Variants in MTMR4 observed in about 807,000 individuals in gnomAD.
MTMR4 encodes the protein myotubularin related protein 4, also known as phosphatidylinositol-3,5-bisphosphate 3-phosphatase MTMR4.
In MTMR4, 30 loss-of-function variants were observed where a neutral mutation model predicts 125.5. The observed-to-expected ratio is 0.24, with a 90% CI of 0.18 to 0.32. The LOEUF (loss-of-function observed/expected upper bound fraction) is 0.32, where lower values mean the gene tolerates loss of function less well. Among genes scored for constraint, MTMR4 ranks in the 10% least tolerant of loss-of-function variants. The pLI is 1.00. For missense variants in MTMR4, 1,039 were observed against 1,511.5 expected (o/e 0.69, Z 5.18); for synonymous variants, 498 against 564.5 (o/e 0.88, Z 1.67).
In MTMR4 at chr17:58,514,505, G is replaced by A; in HGVS notation, c.-98C>T. The A allele has an allele frequency of 3.0e-6, 3 of 985,166 alleles. No individual in the cohort carries two copies. Among genetic ancestry groups the A allele is most frequent in the Non-Finnish European group, 3.6e-6 (3 of 829,890 alleles). 61.0% of individuals were successfully genotyped at this position (985,166 alleles called of 1,614,324 possible). ...CGCATCCCGGCTGCGGGGCTCGCCA[G>A]GTGCAGCCGCGGCGGCCAAGAGGCT... is the stretch of plus-strand genomic sequence containing the variant. On this transcript the variant is annotated 5_prime_UTR_variant, in exon 1 of 18. Transcript: ENST00000682306.
At chr17:58,511,597 A>G in intron 3 of MTMR4, 86 bp from the exon 4 acceptor site, 1 of 1,149,730 alleles carries the variant, frequency 8.7e-7, no homozygotes, top group Non-Finnish European at 1.3e-6. Context: ...TAATGTATCA[A>G]TAGCAGGAAG....
chr17:58,505,486 C>A lies in MTMR4; in HGVS notation c.1131G>T (p.Met377Ile). 6.2e-7 allele frequency: 1 copy of A among 1,612,424 alleles called. No individual in the cohort carries two copies. Among genetic ancestry groups the A allele is most frequent in the Middle Eastern group, 1.7e-4 (1 of 6,050 alleles). Residue 377 changes from methionine (M) to isoleucine (I), a missense_variant, in exon 10 of 18, where the codon ATG (methionine) becomes ATT (isoleucine). Met to Ile is a conservative substitution (Grantham distance 10, BLOSUM62 1). Coordinates refer to ENST00000682306, the MANE Select transcript of MTMR4 (RefSeq NM_001378067.1). ...GGAACACCTACTTGCTAGGATCCGG[C>A]ATCTGGCTACACACAGCCCGGAGGT... The part of the protein sequence containing the change: ...FQYLRAVCSQ[M>I]PDPSNWLSAL...
Position 58,508,237 on chromosome 17 carries a change from C to T in MTMR4, c.631G>A (p.Val211Met). 1 of 1,614,052 alleles carries T rather than the reference C, an allele frequency of 6.2e-7. No individual in the cohort carries two copies. Among genetic ancestry groups the T allele is most frequent in the Non-Finnish European group, 8.5e-7 (1 of 1,180,028 alleles). Residue 211 changes from valine (V) to methionine (M), a missense_variant, in exon 7 of 18, where the codon GTG (valine) becomes ATG (methionine). Physicochemically the swap from Val to Met is conservative, Grantham distance 21. Transcript: ENST00000682306. The surrounding 1 kb of genome is among the most constrained non-coding windows in gnomAD (Gnocchi z 4.8). ...TCCAGCTCTTTGTCAGTGATCCACA[C>T]AGGAACCAGCAGCTTCTGGGGGTAA... ...PSYPQKLLVP[V>M]WITDKELENV...
chr17:58,503,968 ACT>A, intron 13 of MTMR4, 70 bp from the exon 14 acceptor site: 2 of 1,557,106 alleles, frequency 1.3e-6, no homozygotes, highest in East Asian at 2.3e-5. Context: ...TAAGCCCTTG[ACT>A]CTACATTTTC....
At chr17:58,515,281 C>T (rs548794699), upstream of MTMR4, among the ~76,000 whole-genome samples, 1 of 152,206 alleles carries the variant, frequency 6.6e-6, no homozygotes, top group African/African-American at 2.4e-5. Flanking sequence ...ACTTGAAACC[C>T]AGGAGCAGCG....
At chr17:58,492,771 C>T in intron 16 of MTMR4, 71 bp downstream of exon 16, 1 of 1,444,818 alleles carries the variant, frequency 6.9e-7, no homozygotes, top group Non-Finnish European at 9.7e-7. Flanking sequence ...TACAGCATGT[C>T]ATTCATCTCT....
Position 58,508,715 on chromosome 17 carries a change from G to A in MTMR4, c.462C>T (p.Thr154=), listed in dbSNP as rs144773381. 3.1e-6 allele frequency: 5 copies of A among 1,614,070 alleles called. No homozygotes were observed. In the African/African-American group the frequency reaches 4.0e-5, roughly 13 times the overall value. ...ATAGGTGAGTGTGCTGGTCCTCCTC[G>A]GTCAGCCCCAGGCACCAGGCATGGT... ...FAYHAWCLGL[T]EEDQHTHLCQ... The change falls in exon 5 of 18, where the codon ACC becomes ACT. Residue 154 remains threonine, a synonymous_variant. Transcript: ENST00000682306. This position sits in a 1 kb window ranked among gnomAD's most constrained non-coding sequence, Gnocchi z 4.8.
Position 58,508,706 on chromosome 17 carries a change from G to A in MTMR4, c.471C>T (p.Asp157=). 3 of 1,614,208 alleles carry A rather than the reference G, an allele frequency of 1.9e-6. No individual in the cohort carries two copies. Among genetic ancestry groups the A allele is most frequent in the South Asian group, 1.1e-5 (1 of 91,086 alleles). Residue 157 remains aspartate, a synonymous_variant, in exon 5 of 18, where the codon GAC becomes GAT. Coordinates refer to ENST00000682306, the MANE Select transcript of MTMR4 (RefSeq NM_001378067.1). This position sits in a 1 kb window ranked among gnomAD's most constrained non-coding sequence, Gnocchi z 4.8. Reference sequence around the variant, plus strand: ...CTGGCTGACATAGGTGAGTGTGCTGGTCCTCCTCGGTCAGCCCCAGGCACC... The same window carrying A: ...CTGGCTGACATAGGTGAGTGTGCTGATCCTCCTCGGTCAGCCCCAGGCACC... ...HAWCLGLTEE[D]QHTHLCQPGE...
At chr17:58,514,224 T>G in intron 1 of MTMR4, 139 bp downstream of exon 1, 1 of 768,944 alleles carries the variant, frequency 1.3e-6, no homozygotes, top group Non-Finnish European at 1.6e-6. Context: ...AATAAAAGGG[T>G]TAACCCACCT....
Position 58,491,579 on chromosome 17 carries a change from C to T in MTMR4, c.*84G>A, listed in dbSNP as rs1975314952. 1.5e-6 allele frequency: 2 copies of T among 1,365,672 alleles called. No homozygotes were observed. The highest frequency in any genetic ancestry group is 2.3e-5 in the East Asian group (1 of 42,884). The allele number at this position is 1,365,672 out of a possible 1,614,324, so 84.6% of individuals were successfully genotyped here. A position where few individuals can be genotyped will look rare whatever the true frequency, so the allele number is the denominator to read the frequency against. Reference sequence around the variant, plus strand: ...TCTCTGAGCTCTGTGATTTCATGAGCCACACCAAGGAACCTTCCAAACTAC... The same window carrying T: ...TCTCTGAGCTCTGTGATTTCATGAGTCACACCAAGGAACCTTCCAAACTAC... On this transcript the variant is annotated 3_prime_UTR_variant, in exon 18 of 18. Coordinates refer to ENST00000682306, the MANE Select transcript of MTMR4 (RefSeq NM_001378067.1).
In MTMR4 at chr17:58,490,969, C is replaced by T. The variant is rs567540207; in HGVS notation, c.*694G>A. On this transcript the variant is annotated 3_prime_UTR_variant, in exon 18 of 18. Transcript: ENST00000682306. ...CAAAATAACTCAATGTTTGCCAGGA[C>T]CGAACATCAGCAGAGTTTTCCTCTG... 6.5e-6 allele frequency: 1 copy of T among 152,760 alleles called. No homozygotes were observed. The highest frequency in any genetic ancestry group is 1.9e-4 in the East Asian group (1 of 5,196). 9.5% of individuals were successfully genotyped at this position (152,760 alleles called of 1,614,324 possible).
Position 58,504,603 on chromosome 17 carries a change from A to G in MTMR4, c.1342-115T>C. 1 of 1,384,842 alleles carries G rather than the reference A, an allele frequency of 7.2e-7. No homozygotes were observed. The highest frequency in any genetic ancestry group is 9.8e-7 in the Non-Finnish European group (1 of 1,023,836). 85.8% of individuals were successfully genotyped at this position (1,384,842 alleles called of 1,614,324 possible). ...CAGCTTCAAAGAAAAATAGGACTGGACCTAGAAGAGGACTCAAAGCCACCA... is the reference window on the plus strand; with the variant it reads ...CAGCTTCAAAGAAAAATAGGACTGGGCCTAGAAGAGGACTCAAAGCCACCA... On this transcript the variant is annotated intron_variant, in intron 11 of 17. Coordinates refer to ENST00000682306, the MANE Select transcript of MTMR4 (RefSeq NM_001378067.1). The surrounding 1 kb of genome is among the most constrained non-coding windows in gnomAD (Gnocchi z 7.1).
rs75324864 is a variant in MTMR4, at chr17:58,493,905, G to T, written c.3253-953C>A. Among the ~76,000 whole-genome samples, 570 of 152,256 alleles carry T rather than the reference G, an allele frequency of 3.7e-3. 5 individuals carry two copies. The highest frequency in any genetic ancestry group is 5.2e-3 in the Non-Finnish European group (355 of 68,012). On this transcript the variant is annotated intron_variant, in intron 15 of 17. Coordinates refer to ENST00000682306, the MANE Select transcript of MTMR4 (RefSeq NM_001378067.1). The stretch of plus-strand genomic sequence containing the variant: ...CTAGAAGCTCCCCAAGGACTATGGT[G>T]CCAGAACCTGAGGCTGCCCAACACT...
At chr17:58,510,045 A>C (rs9911988) in intron 4 of MTMR4, among the ~76,000 whole-genome samples, 71 of 152,300 alleles carry the variant, frequency 4.7e-4, no homozygotes, top group African/African-American at 1.7e-3. Flanking sequence ...TCATCTGGGT[A>C]ACTGCAATAG....
chr17:58,501,099 C>T (rs915991457), intron 14 of MTMR4, among the ~76,000 whole-genome samples: 9 of 152,156 alleles, frequency 5.9e-5, no homozygotes, highest in African/African-American at 1.2e-4. Context: ...AAACCTATCA[C>T]GGTCCCCTCA....
rs534803645 is a variant in MTMR4, at chr17:58,489,827, G to A, written c.*1836C>T. On this transcript the variant is annotated 3_prime_UTR_variant, in exon 18 of 18. Transcript: ENST00000682306. ...TACTCCCCTTGAAAACAGGCAGAGT[G>A]AAGTGCAATGAAAGACAAGTTAATT... 1 of 152,754 alleles carries A rather than the reference G, an allele frequency of 6.5e-6. No homozygotes were observed. Among genetic ancestry groups the A allele is most frequent in the East Asian group, 1.9e-4 (1 of 5,192 alleles). The allele number at this position is 152,754 out of a possible 1,614,324, so 9.5% of individuals were successfully genotyped here. A position where few individuals can be genotyped will look rare whatever the true frequency, so the allele number is the denominator to read the frequency against.
At chr17:58,492,405 A>G in intron 17 of MTMR4, 106 bp downstream of exon 17, 1 of 932,862 alleles carries the variant, frequency 1.1e-6, no homozygotes, top group Non-Finnish European at 1.7e-6. Context: ...TCCTCACCTC[A>G]TGATCCGCCT....
At chr17:58,499,909 C>G (rs2143869109) in intron 14 of MTMR4, among the ~76,000 whole-genome samples, 1 of 152,012 alleles carries the variant, frequency 6.6e-6, no homozygotes, top group East Asian at 1.9e-4. Flanking sequence ...GGATTACAAG[C>G]ATGAGCCACC....
At chr17:58,518,621 C>A (rs972883537), upstream of MTMR4, among the ~76,000 whole-genome samples, 8 of 152,188 alleles carry the variant, frequency 5.3e-5, no homozygotes, top group Non-Finnish European at 1.2e-4. Flanking sequence ...AGATGGGAAA[C>A]CTGGATCTGA....
Sources: gnomAD v4.1 joint callset for allele counts (sites outside exome capture counted in the v4.1 genomes callset) on GRCh38, gnomAD v4.1.1 for gene constraint, Gnocchi (gnomAD v3.1) non-coding constraint, MANE v1.5 for transcripts, NCBI Gene and HGNC (gene_info 2026-07-23, HGNC 2026-07-21) for gene names.